Variants in PLB1 observed in about 807,000 individuals in gnomAD.
PLB1 encodes the protein phospholipase B1.
PLB1 carries 242 observed loss-of-function variants against 227.4 expected under a neutral mutation model. The ratio of observed to expected loss-of-function variants is 1.06; its 90% CI spans 0.96 to 1.18. PLB1 has a LOEUF of 1.18. PLB1 is among the 50% of genes most tolerant of loss of function. The pLI is 0.00. For missense variants in PLB1, 1,858 were observed against 1,816.3 expected, an observed-to-expected ratio of 1.02 and a Z score of -0.42; for synonymous variants, 757 against 682.2, an observed-to-expected ratio of 1.11 and a Z score of -1.71.
chr2:28,636,057 GTGTATGTA>G (rs375434712), intron 56 of PLB1, among the ~76,000 whole-genome samples: 1 of 109,244 alleles, frequency 9.2e-6, no homozygotes, highest in African/African-American at 3.2e-5. Flanking sequence ...ATGTGTATGT[GTGTATGTA>G]TGTATGTATG....
intron 21 of PLB1, among the ~76,000 whole-genome samples, chr2:28,577,456 T>C (rs1479992064): frequency 6.6e-6 from 1 of 152,232 alleles, no homozygotes; most frequent in Non-Finnish European, 1.5e-5. Context: ...ATGTGCATGA[T>C]GTGAAATACT....
In PLB1 at chr2:28,497,365, C is replaced by A. The variant is rs112069282; in HGVS notation, c.55+1196C>A. On this transcript the variant is annotated intron_variant, in intron 1 of 57. Transcript: ENST00000327757. ...TTCAGAGCTCGCTGTAGCGAGACAT[C>A]ACTTATGTTTGGCCAAGATTCAAAG... Among the ~76,000 whole-genome samples, 831 of 152,328 alleles carry A rather than the reference C, an allele frequency of 5.5e-3. 8 individuals are homozygous for A. The highest frequency in any genetic ancestry group is 0.019 in the African/African-American group (791 of 41,562).
chr2:28,536,391 A>G (rs951605893), intron 9 of PLB1, among the ~76,000 whole-genome samples: 1 of 152,128 alleles, frequency 6.6e-6, no homozygotes, highest in Non-Finnish European at 1.5e-5. Context: ...TTTATTAATT[A>G]GTAAGATTTT....
intron 44 of PLB1, among the ~76,000 whole-genome samples, chr2:28,615,524 C>T (rs992224023): frequency 1.3e-5 from 2 of 152,192 alleles, no homozygotes; most frequent in Non-Finnish European, 2.9e-5. Context: ...ATGCTAAGCT[C>T]TGGGGTGCAA....
chr2:28,547,589 G>T (rs910431092), intron 14 of PLB1, among the ~76,000 whole-genome samples: 1 of 152,220 alleles, frequency 6.6e-6, no homozygotes, highest in Non-Finnish European at 1.5e-5. Context: ...ATGGAGGTTG[G>T]TAGAAGCTGT....
chr2:28,521,174 G>T (rs886966434), intron 4 of PLB1, among the ~76,000 whole-genome samples: 1 of 152,056 alleles, frequency 6.6e-6, no homozygotes, highest in Non-Finnish European at 1.5e-5. Context: ...TCATTCACCC[G>T]TCAGTGGACA....
At chr2:28,581,099 A>G (rs1558819783) in intron 23 of PLB1, among the ~76,000 whole-genome samples, 1 of 152,300 alleles carries the variant, frequency 6.6e-6, no homozygotes, top group East Asian at 1.9e-4. Flanking sequence ...TGTTCCATAC[A>G]GCAGGGCTTT....
chr2:28,564,031 G>A (rs1676457967), intron 18 of PLB1, among the ~76,000 whole-genome samples: 1 of 152,112 alleles, frequency 6.6e-6, no homozygotes, highest in Non-Finnish European at 1.5e-5. Flanking sequence ...CTTGAGGCCA[G>A]GGGGTCAAGG....
In PLB1 at chr2:28,597,445, CAAAAT is replaced by C. The variant is rs1440423625; in HGVS notation, c.2322-558_2322-554del. ...TTATTAATAAATGCATAAAAGGAAA[CAAAAT>C]AGGGTGTACCTTGAAGTTAGATTAA... On this transcript the variant is annotated intron_variant, in intron 33 of 57. Coordinates refer to ENST00000327757, the MANE Select transcript of PLB1 (RefSeq NM_153021.5). Among the ~76,000 whole-genome samples, 25 of 152,118 alleles carry C rather than the reference CAAAAT, an allele frequency of 1.6e-4. No homozygotes were observed. The East Asian group carries it at 1.7e-3, about 11-fold the overall frequency.
At chr2:28,627,676 C>G (rs1348883151) in intron 51 of PLB1, among the ~76,000 whole-genome samples, 1 of 152,198 alleles carries the variant, frequency 6.6e-6, no homozygotes, top group African/African-American at 2.4e-5. Context: ...GCGAACAGCA[C>G]TGGTCCTATG....
intron 35 of PLB1, among the ~76,000 whole-genome samples, chr2:28,599,324 G>A (rs1212748501): frequency 1.3e-5 from 2 of 152,236 alleles, no homozygotes; most frequent in Non-Finnish European, 2.9e-5. Context: ...AGAGGCCCCA[G>A]CAGCCTAGGT....
intron 56 of PLB1, among the ~76,000 whole-genome samples, chr2:28,636,604 G>T (rs547522713): frequency 6.6e-6 from 1 of 151,978 alleles, no homozygotes; most frequent in Non-Finnish European, 1.5e-5. Context: ...TAGGATGGGT[G>T]AGTAAACTGT....
chr2:28,504,769 C>A (rs921528165), intron 1 of PLB1, among the ~76,000 whole-genome samples: 16 of 151,922 alleles, frequency 1.1e-4, no homozygotes, highest in African/African-American at 3.4e-4. Context: ...ACAACAACAA[C>A]AAAAATTCAT....
intron 29 of PLB1, 74 bp downstream of exon 29, chr2:28,590,150 C>T (rs1681651934): frequency 7.7e-7 from 1 of 1,301,734 alleles, no homozygotes; most frequent in Non-Finnish European, 1.1e-6. Flanking sequence ...TAGGCCCTCA[C>T]CCTCACCCCA....
At chr2:28,587,716 A>G (rs1681142948) in intron 26 of PLB1, among the ~76,000 whole-genome samples, 1 of 152,220 alleles carries the variant, frequency 6.6e-6, no homozygotes, top group Non-Finnish European at 1.5e-5. Flanking sequence ...CACCTTCAGC[A>G]GAATGGATGT....
intron 53 of PLB1, among the ~76,000 whole-genome samples, chr2:28,629,790 C>G (rs938028527): frequency 3.9e-5 from 6 of 152,184 alleles, no homozygotes; most frequent in Admixed American, 3.9e-4. Context: ...ATGGGCAAGA[C>G]AAGAACTCCT....
At position 28,642,924 on chromosome 2, in the gene PLB1, G is replaced by A. The variant is rs112993516; in HGVS notation, c.4240G>A (p.Glu1414Lys). 1,426 of 1,608,894 alleles carry A rather than the reference G, an allele frequency of 8.9e-4. 12 individuals are homozygous for A. The African/African-American group carries it at 0.015, about 17-fold the overall frequency. ...LLPDQAEEAP[E>K]VLYWAVPVAA... Reference sequence around the variant, plus strand: ...CCCAGACCAGGCTGAAGAAGCCCCCGAGGTGCTCTACTGGGCTGTCCCAGT... The same window carrying A: ...CCCAGACCAGGCTGAAGAAGCCCCCAAGGTGCTCTACTGGGCTGTCCCAGT... Residue 1414 changes from glutamate to lysine, a missense_variant, in exon 58 of 58, where the codon GAG becomes AAG. Physicochemically the swap from Glu to Lys is moderately conservative, Grantham distance 56. Transcript: ENST00000327757.
At chr2:28,625,239 G>A (rs767909368) in intron 50 of PLB1, 131 bp downstream of exon 50, 1 of 852,716 alleles carries the variant, frequency 1.2e-6, no homozygotes, top group East Asian at 2.9e-5. Flanking sequence ...CCTCGGAGAA[G>A]CAGTCCTTAC....
chr2:28,543,655 A>G (rs2148212040), intron 14 of PLB1, among the ~76,000 whole-genome samples: 1 of 152,330 alleles, frequency 6.6e-6, no homozygotes, highest in East Asian at 1.9e-4. Flanking sequence ...GTCAAGGCCC[A>G]AGGTGGTGCC....
Sources: gnomAD v4.1 joint callset for allele counts (sites outside exome capture counted in the v4.1 genomes callset) on GRCh38, gnomAD v4.1.1 for gene constraint, MANE v1.5 for transcripts, NCBI Gene and HGNC (gene_info 2026-07-23, HGNC 2026-07-21) for gene names.